Variants in MARCHF11 observed in about 807,000 individuals in gnomAD.
The protein encoded by MARCHF11 is membrane associated ring-CH-type finger 11.
In MARCHF11, 29 loss-of-function variants were observed where a neutral mutation model predicts 37.3. That is an observed-to-expected ratio of 0.78 (90% confidence interval 0.58 to 1.06). The LOEUF is 1.06. MARCHF11 is among the 50% of genes least tolerant of loss of function. The probability of loss-of-function intolerance (pLI) is 0.00; values close to 1 mark genes in which losing one functional copy is unlikely to be tolerated. For synonymous variants in MARCHF11, 233 were observed against 228.0 expected (o/e 1.02, Z -0.20); for missense variants, 482 against 533.4 (o/e 0.90, Z 0.95).
At chr5:16,068,981 T>C (rs996131564) in intron 3 of MARCHF11, among the ~76,000 whole-genome samples, 7 of 152,248 alleles carry the variant, frequency 4.6e-5, no homozygotes, top group Non-Finnish European at 1.0e-4. Flanking sequence ...GACCTTTGGG[T>C]ATATGCCCTA....
In MARCHF11 at chr5:16,067,684, T is replaced by A; in HGVS notation, c.996A>T (p.Glu332Asp). 2.5e-6 allele frequency: 4 copies of A among 1,614,002 alleles called. No individual in the cohort carries two copies. Among genetic ancestry groups the A allele is most frequent in the Non-Finnish European group, 3.4e-6 (4 of 1,179,870 alleles). The part of the protein sequence containing the change: ...LNYDKATDIE[E>D]SSRGESSTSR... The stretch of plus-strand genomic sequence containing the variant: ...TTGTGGAAGACTCTCCCCGGCTGCT[T>A]TCTTCGATGTCTGTGGCTTTGTCAT... Residue 332 changes from glutamate to aspartate, a missense_variant, in exon 4 of 4, where the codon GAA (glutamate) becomes GAT (aspartate). Coordinates refer to ENST00000332432, the MANE Select transcript of MARCHF11 (RefSeq NM_001102562.3).
intron 3 of MARCHF11, among the ~76,000 whole-genome samples, chr5:16,077,233 TAGAA>T (rs1281827802): frequency 6.6e-6 from 1 of 152,184 alleles, no homozygotes; most frequent in Non-Finnish European, 1.5e-5. Context: ...AGCCAGTTCT[TAGAA>T]AGAGACTTTC....
chr5:16,157,351 T>C (rs1038997335), intron 2 of MARCHF11, among the ~76,000 whole-genome samples: 1 of 151,886 alleles, frequency 6.6e-6, no homozygotes, highest in Admixed American at 6.6e-5. Context: ...ATCCTAAAAT[T>C]TGTATGGAAC....
At chr5:16,150,704 C>T (rs1179671587) in intron 2 of MARCHF11, among the ~76,000 whole-genome samples, 2 of 152,040 alleles carry the variant, frequency 1.3e-5, no homozygotes, top group Non-Finnish European at 2.9e-5. Flanking sequence ...ATTCCCTATA[C>T]CGAAGGCTTA....
chr5:16,104,073 C>T (rs536572101), intron 2 of MARCHF11, among the ~76,000 whole-genome samples: 1 of 152,244 alleles, frequency 6.6e-6, no homozygotes, highest in South Asian at 2.1e-4. Flanking sequence ...GCAGGAGAAA[C>T]AGGCCAAAGT....
rs1738425555 is a variant in MARCHF11 at position 16,179,328 on chromosome 5, G to A, written c.248C>T (p.Pro83Leu). Residue 83 changes from proline to leucine, a missense_variant, in exon 1 of 4, where the codon CCG (proline) becomes CTG (leucine). Physicochemically the swap from Pro to Leu is moderately conservative, Grantham distance 98 (BLOSUM62 -3). Transcript: ENST00000332432. ...APRCRGADELPPPPLPLQPAG... is the reference protein window; with the variant it reads ...APRCRGADELLPPPLPLQPAG... ...GGGCTGCAGGGGCAGGGGCGGAGGCGGCAGCTCGTCCGCTCCCCTGCACCG... is the reference window on the plus strand; with the variant it reads ...GGGCTGCAGGGGCAGGGGCGGAGGCAGCAGCTCGTCCGCTCCCCTGCACCG... 1 of 1,232,438 alleles carries A rather than the reference G, an allele frequency of 8.1e-7. No homozygotes were observed. The highest frequency in any genetic ancestry group is 2.9e-5 in the South Asian group (1 of 34,978). The allele number at this position is 1,232,438 out of a possible 1,614,324, so 76.3% of individuals were successfully genotyped here. A position where few individuals can be genotyped will look rare whatever the true frequency, so the allele number is the denominator to read the frequency against.
chr5:16,084,279 A>G (rs185725774), intron 3 of MARCHF11, among the ~76,000 whole-genome samples: 1 of 152,378 alleles, frequency 6.6e-6, no homozygotes, highest in Non-Finnish European at 1.5e-5. Context: ...TGCATGCCAA[A>G]GTAGCTCTAG....
At chr5:16,096,745 C>T (rs1302198541) in intron 2 of MARCHF11, among the ~76,000 whole-genome samples, 1 of 152,210 alleles carries the variant, frequency 6.6e-6, no homozygotes, top group Non-Finnish European at 1.5e-5. Context: ...GTACAAATCC[C>T]TTCCAACCAG....
intron 3 of MARCHF11, among the ~76,000 whole-genome samples, chr5:16,087,705 C>CA (rs1326773840): frequency 6.6e-6 from 1 of 151,720 alleles, no homozygotes; most frequent in Non-Finnish European, 1.5e-5. Flanking sequence ...TGAGCGAACT[C>CA]AAAACGTTAA....
chr5:16,134,996 T>TCACACA (rs1354664905), intron 2 of MARCHF11, among the ~76,000 whole-genome samples: 3 of 121,174 alleles, frequency 2.5e-5, no homozygotes, highest in Non-Finnish European at 3.6e-5. Flanking sequence ...TCTCTCTCTC[T>TCACACA]CTCACACACA....
At chr5:16,106,363 T>C (rs542350238) in intron 2 of MARCHF11, among the ~76,000 whole-genome samples, 2 of 152,224 alleles carry the variant, frequency 1.3e-5, no homozygotes, top group African/African-American at 4.8e-5. Flanking sequence ...TATGACCAAT[T>C]TTCTCCCTGT....
intron 2 of MARCHF11, among the ~76,000 whole-genome samples, chr5:16,119,296 A>T (rs1370417193): frequency 6.6e-6 from 1 of 151,840 alleles, no homozygotes; most frequent in Non-Finnish European, 1.5e-5. Flanking sequence ...CAGGAGGCGG[A>T]GGTTACAGTG....
chr5:16,173,527 C>G (rs1738308093), intron 2 of MARCHF11, among the ~76,000 whole-genome samples: 1 of 152,178 alleles, frequency 6.6e-6, no homozygotes, highest in Non-Finnish European at 1.5e-5. Flanking sequence ...GCACTGAGAT[C>G]ATTATATCTC....
chr5:16,118,010 AG>A (rs1374829957), intron 2 of MARCHF11, among the ~76,000 whole-genome samples: 2 of 152,256 alleles, frequency 1.3e-5, no homozygotes, highest in African/African-American at 2.4e-5. Context: ...GAGTTGAGAC[AG>A]GCTTCTTTGG....
chr5:16,129,829 T>C (rs1276738794), intron 2 of MARCHF11, among the ~76,000 whole-genome samples: 1 of 152,204 alleles, frequency 6.6e-6, no homozygotes, highest in East Asian at 1.9e-4. Context: ...TTATGACATC[T>C]GGACCAACTT....
intron 2 of MARCHF11, among the ~76,000 whole-genome samples, chr5:16,109,094 C>A (rs2126568892): frequency 7.0e-6 from 1 of 142,732 alleles, no homozygotes; most frequent in Admixed American, 6.8e-5. Context: ...GCATCTGTGA[C>A]ATAAGAAATA....
At position 16,179,020 on chromosome 5, in the gene MARCHF11, G is replaced by A. The variant is rs898000183; in HGVS notation, c.537+19C>T. The A allele has an allele frequency of 9.1e-6, 13 of 1,428,500 alleles. No individual in the cohort carries two copies. The highest frequency in any genetic ancestry group is 1.5e-5 in the African/African-American group (1 of 66,728). The allele number at this position is 1,428,500 out of a possible 1,614,324, so 88.5% of individuals were successfully genotyped here. ...GCTGGAGCCGCCACCGGCTGCCTCG[G>A]GGTCTCGCCGGGCCTTACCTGCTCC... On this transcript the variant is annotated intron_variant, in intron 1 of 3. Transcript: ENST00000332432.
chr5:16,067,283 C>T lies in MARCHF11; in HGVS notation c.*188G>A. On this transcript the variant is annotated 3_prime_UTR_variant, in exon 4 of 4. Coordinates refer to ENST00000332432, the MANE Select transcript of MARCHF11 (RefSeq NM_001102562.3). ...CCAACTTATAAAAGATGTGACAAAC[C>T]AGACAACGAAGAACAAGAGGACTCT... 2 of 520,850 alleles carry T rather than the reference C, an allele frequency of 3.8e-6. No individual in the cohort carries two copies. Among genetic ancestry groups the T allele is most frequent in the East Asian group, 3.0e-5 (1 of 32,896 alleles). 32.3% of individuals were successfully genotyped at this position (520,850 alleles called of 1,614,324 possible). A position where few individuals can be genotyped will look rare whatever the true frequency, so the allele number is the denominator to read the frequency against.
At chr5:16,080,909 A>C (rs1736598144) in intron 3 of MARCHF11, among the ~76,000 whole-genome samples, 2 of 152,040 alleles carry the variant, frequency 1.3e-5, no homozygotes, top group Non-Finnish European at 2.9e-5. Context: ...CTTCCTGAGC[A>C]TTCAGTTTGG....
Sources: gnomAD v4.1 joint callset for allele counts (sites outside exome capture counted in the v4.1 genomes callset) on GRCh38, gnomAD v4.1.1 for gene constraint, MANE v1.5 for transcripts, NCBI Gene and HGNC (gene_info 2026-07-23, HGNC 2026-07-21) for gene names.